Variants in DOCK6 observed in about 807,000 individuals in gnomAD.
DOCK6 encodes dedicator of cytokinesis protein 6.
In DOCK6, 167 loss-of-function variants were observed where a neutral mutation model predicts 230.3. The observed-to-expected ratio is 0.73, with a 90% confidence interval of 0.64 to 0.82. The LOEUF (loss-of-function observed/expected upper bound fraction) is 0.82, where lower values mean the gene tolerates loss of function less well. Ranked by LOEUF, DOCK6 falls within the 40% of genes least tolerant of loss-of-function variation. The pLI, the probability that DOCK6 is intolerant of heterozygous loss-of-function variation, is 0.00. For missense variants in DOCK6, 2,598 were observed against 2,825.8 expected, an observed-to-expected ratio of 0.92 and a Z score of 1.83; for synonymous variants, 1,148 against 1,185.0, an observed-to-expected ratio of 0.97 and a Z score of 0.64.
At chr19:11,238,380 A>G in intron 14 of DOCK6, 76 bp from the exon 15 acceptor site, 2 of 1,383,072 alleles carry the variant, frequency 1.4e-6, no homozygotes, top group Non-Finnish European at 2.0e-6. Context: ...GTGATGGGAC[A>G]AGGCTGGCTG....
chr19:11,229,164 G>GGGGACAAGAGGAGT, intron 22 of DOCK6, 129 bp from the exon 23 acceptor site: 1 of 1,206,562 alleles, frequency 8.3e-7, no homozygotes, highest in African/African-American at 1.5e-5. Context: ...GCAGGAGGAG[G>GGGGACAAGAGGAGT]GGGACAAGAG....
At chr19:11,257,157 T>C (rs554811075) in intron 1 of DOCK6, among the ~76,000 whole-genome samples, 5 of 150,030 alleles carry the variant, frequency 3.3e-5, no homozygotes, top group African/African-American at 1.2e-4. Flanking sequence ...TGGCTAATTA[T>C]TATTATTATT....
intron 1 of DOCK6, among the ~76,000 whole-genome samples, chr19:11,259,557 T>TTTTTTC (rs2080251265): frequency 3.7e-5 from 2 of 54,230 alleles, no homozygotes; most frequent in Non-Finnish European, 5.3e-5. Flanking sequence ...ATTTCTTTTC[T>TTTTTTC]TTTTTTTTTT....
chr19:11,256,479 G>A (rs1263011544), intron 1 of DOCK6, among the ~76,000 whole-genome samples: 6 of 152,104 alleles, frequency 3.9e-5, no homozygotes, highest in Admixed American at 3.3e-4. Context: ...ACGGAGAGCC[G>A]TCAAGCTTGG....
intron 37 of DOCK6, among the ~76,000 whole-genome samples, chr19:11,210,723 ACT>A (rs777739304): frequency 1.8e-5 from 2 of 110,926 alleles, no homozygotes. Context: ...CCATCCTTTC[ACT>A]GTCTCTTCAC....
At position 11,243,915 on chromosome 19, in the gene DOCK6, C is replaced by T. The variant is rs779446330; in HGVS notation, c.1024-33G>A. 1.9e-6 allele frequency: 3 copies of T among 1,578,910 alleles called. No homozygotes were observed. The highest frequency in any genetic ancestry group is 2.6e-6 in the Non-Finnish European group (3 of 1,162,164). ...GCAGATGAATGAATCCAGTGAGGCG[C>T]TGCCCGAACGCTCTGTTCCCCCGTG... is the stretch of plus-strand genomic sequence containing the variant. On this transcript the variant is annotated intron_variant, in intron 9 of 47. Transcript: ENST00000294618. The surrounding 1 kb of genome is among the most constrained non-coding windows in gnomAD (Gnocchi z 6.3).
intron 14 of DOCK6, among the ~76,000 whole-genome samples, chr19:11,241,031 G>C (rs2079935143): frequency 6.6e-6 from 1 of 151,844 alleles, no homozygotes; most frequent in Admixed American, 6.6e-5. Context: ...GAACACTTAA[G>C]GTCAGGAGTT....
chr19:11,222,243 G>A lies in DOCK6; in HGVS notation c.3246C>T (p.Ser1082=). 6.3e-7 allele frequency: 1 copy of A among 1,598,588 alleles called. No homozygotes were observed. Among genetic ancestry groups the A allele is most frequent in the Non-Finnish European group, 8.5e-7 (1 of 1,172,866 alleles). The change falls in exon 27 of 48, where the codon TCC becomes TCT. Residue 1082 remains serine, a synonymous_variant. Transcript: ENST00000294618. The surrounding 1 kb of genome is among the most constrained non-coding windows in gnomAD (Gnocchi z 4.0). ...PSVSSTTSQS[S]TFSSQAPDPK... is the part of the protein sequence containing the mutation. ...GGTCCGGGGCTTGGCTGGAGAAGGT[G>A]GAGCTCTGCAGAGTGGGGGAAAAAT...
rs746199561 is a variant in DOCK6 at position 11,233,315 on chromosome 19, C to T, written c.2606G>A (p.Arg869His). Residue 869 changes from arginine (R) to histidine (H), a missense_variant, in exon 22 of 48, where the codon CGC (arginine) becomes CAC (histidine). By Grantham distance (29) the Arg-to-His change is conservative. Coordinates refer to ENST00000294618, the MANE Select transcript of DOCK6 (RefSeq NM_020812.4). ...ACGCGCCAGGTAGAGGCTTGCGGGG[C>T]GACCAGAGCCACGGGCCAGTGTGGC... is the stretch of plus-strand genomic sequence containing the variant. ...QAATLARGSG[R>H]PASLYLARSK... 1.8e-5 allele frequency: 29 copies of T among 1,613,658 alleles called. No homozygotes were observed. Among genetic ancestry groups the T allele is most frequent in the Admixed American group, 3.3e-5 (2 of 59,994 alleles).
intron 1 of DOCK6, among the ~76,000 whole-genome samples, chr19:11,258,526 G>A (rs1288508502): frequency 5.9e-5 from 9 of 151,278 alleles, no homozygotes; most frequent in South Asian, 2.1e-4. Context: ...TCCACGGCCC[G>A]GGTTCAAGCG....
chr19:11,229,267 A>C, intron 22 of DOCK6: 1 of 1,316,996 alleles, frequency 7.6e-7, no homozygotes, highest in Non-Finnish European at 9.7e-7. Flanking sequence ...ACCAGGACAA[A>C]AATAGCGTCA....
chr19:11,251,719 C>CA (rs2080120385), intron 5 of DOCK6: 1 of 152,940 alleles, frequency 6.5e-6, no homozygotes, highest in South Asian at 2.0e-4. Flanking sequence ...GATTCCATCT[C>CA]AAAATAATTA....
chr19:11,209,479 CCTG>C (rs924187677), intron 37 of DOCK6, among the ~76,000 whole-genome samples: 7 of 150,454 alleles, frequency 4.7e-5, no homozygotes, highest in Admixed American at 4.6e-4. Flanking sequence ...CACCCCCTCA[CCTG>C]TCCGTCCCTT....
At chr19:11,207,099 C>G (rs2147718529) in intron 39 of DOCK6, among the ~76,000 whole-genome samples, 1 of 152,200 alleles carries the variant, frequency 6.6e-6, no homozygotes, top group East Asian at 1.9e-4. Flanking sequence ...TCCCAAAGTG[C>G]TGGGATTACA....
At chr19:11,259,358 T>C (rs2080246363) in intron 1 of DOCK6, among the ~76,000 whole-genome samples, 1 of 152,048 alleles carries the variant, frequency 6.6e-6, no homozygotes, top group East Asian at 1.9e-4. Flanking sequence ...ATGAATGTTG[T>C]ATGTTACAGT....
At position 11,251,085 on chromosome 19, in the gene DOCK6, T is replaced by C; in HGVS notation, c.509A>G (p.Asn170Ser). 2 of 1,609,102 alleles carry C rather than the reference T, an allele frequency of 1.2e-6. No individual in the cohort carries two copies. The highest frequency in any genetic ancestry group is 1.7e-6 in the Non-Finnish European group (2 of 1,177,826). ...GGAGCCCGAGCCACGCCGGGAGTCA[T>C]TCTGCCAGTGGAGAATGTGCAAGCA... ...GDERSGPEDSNDSRRGSGSPE... is the reference protein window; with the variant it reads ...GDERSGPEDSSDSRRGSGSPE... Residue 170 changes from asparagine (N) to serine (S), a missense_variant and splice_region_variant, in exon 6 of 48, where the codon AAT (asparagine) becomes AGT (serine). Asn to Ser is a conservative substitution (Grantham distance 46). Transcript: ENST00000294618.
At position 11,248,170 on chromosome 19, in the gene DOCK6, GGGAGCTGGGCGGGA is replaced by G. The variant is rs2080065423; in HGVS notation, c.721-33_721-20del. On this transcript the variant is annotated intron_variant, in intron 6 of 47. Coordinates refer to ENST00000294618, the MANE Select transcript of DOCK6 (RefSeq NM_020812.4). The stretch of plus-strand genomic sequence containing the variant: ...CTTCATCCTGCCAAGAGTGGGGGGT[GGGAGCTGGGCGGGA>G]GGAGCTGGGACATCCTCCAGGAAGG... 5 of 1,509,294 alleles carry G rather than the reference GGGAGCTGGGCGGGA, an allele frequency of 3.3e-6. No individual in the cohort carries two copies. The highest frequency in any genetic ancestry group is 4.6e-6 in the Non-Finnish European group (5 of 1,091,076). The allele number at this position is 1,509,294 out of a possible 1,614,324, so 93.5% of individuals were successfully genotyped here.
chr19:11,207,644 T>C (rs1206476439), intron 39 of DOCK6, among the ~76,000 whole-genome samples: 2 of 150,620 alleles, frequency 1.3e-5, no homozygotes, highest in Admixed American at 1.3e-4. Flanking sequence ...AATTAAAAAT[T>C]GGCAGGGTGT....
rs2080107511 is a variant in DOCK6 at position 11,250,918 on chromosome 19, G to T, written c.676C>A (p.His226Asn). ...DRRNETLRRQ[H>N]RPPALLTLYP... ...AGGGTGAGCAGGGCCGGGGGCCGGTGCTGCCGTCGAAGGGTTTCATTGCGC... is the reference window on the plus strand; with the variant it reads ...AGGGTGAGCAGGGCCGGGGGCCGGTTCTGCCGTCGAAGGGTTTCATTGCGC... The change falls in exon 6 of 48, where the codon CAC (histidine) becomes AAC (asparagine). Residue 226 changes from histidine to asparagine, a missense_variant. His to Asn is a moderately conservative substitution (Grantham distance 68). Transcript: ENST00000294618. 1.2e-6 allele frequency: 2 copies of T among 1,606,270 alleles called. No homozygotes were observed. The highest frequency in any genetic ancestry group is 1.7e-6 in the Non-Finnish European group (2 of 1,173,778).
Sources: allele counts gnomAD v4.1 joint callset (sites outside exome capture counted in the v4.1 genomes callset), GRCh38; gene constraint gnomAD v4.1.1; non-coding constraint Gnocchi (gnomAD v3.1); transcripts MANE v1.5; gene names NCBI Gene and HGNC (gene_info 2026-07-23, HGNC 2026-07-21).